C1GALT1: variants seen among roughly 807,000 people sequenced by gnomAD.
The protein encoded by C1GALT1 is core 1 synthase, glycoprotein-N-acetylgalactosamine 3-beta-galactosyltransferase 1.
C1GALT1 carries 11 observed loss-of-function variants against 31.0 expected under a neutral mutation model. The ratio of observed to expected loss-of-function variants is 0.36; its 90% CI spans 0.22 to 0.59. C1GALT1 has a LOEUF of 0.59. Ranked by LOEUF, C1GALT1 falls within the 20% of genes least tolerant of loss-of-function variation. The pLI, the probability that C1GALT1 is intolerant of heterozygous loss-of-function variation, is 0.79. For synonymous variants in C1GALT1, 175 were observed against 143.6 expected, an observed-to-expected ratio of 1.22 and a Z score of -1.56; for missense variants, 424 against 425.2, an observed-to-expected ratio of 1.00 and a Z score of 0.03.
In C1GALT1 at chr7:7,245,553, A is replaced by G. The variant is rs759032921; in HGVS notation, c.*1826A>G. ...GAATGGTATATTTGAGAGGATGTTC[A>G]TTTCATTGGTTAACCATGGACTACT... On this transcript the variant is annotated 3_prime_UTR_variant, in exon 4 of 4. Coordinates refer to ENST00000436587, the MANE Select transcript of C1GALT1 (RefSeq NM_020156.5). 3.9e-5 allele frequency: 6 copies of G among 152,186 alleles called. No homozygotes were observed. The highest frequency in any genetic ancestry group is 7.4e-5 in the Non-Finnish European group (5 of 68,026). 9.4% of individuals were successfully genotyped at this position (152,186 alleles called of 1,614,324 possible). A position where few individuals can be genotyped will look rare whatever the true frequency, so the allele number is the denominator to read the frequency against.
intron 2 of C1GALT1, among the ~76,000 whole-genome samples, chr7:7,169,652 G>T (rs959211899): frequency 6.6e-6 from 1 of 151,480 alleles, no homozygotes; most frequent in African/African-American, 2.4e-5. Flanking sequence ...ATCTTTTCAT[G>T]TGCTTATTAG....
intron 1 of C1GALT1, 37 bp downstream of exon 1, chr7:7,182,857 A>G (rs1388666905): frequency 6.1e-6 from 6 of 984,858 alleles, no homozygotes; most frequent in East Asian, 1.1e-4. Flanking sequence ...CTACGGGTCC[A>G]AGGTCTCGTC....
intron 1 of C1GALT1, among the ~76,000 whole-genome samples, chr7:7,204,925 T>C (rs1781672843): frequency 6.6e-6 from 1 of 152,206 alleles, no homozygotes; most frequent in Non-Finnish European, 1.5e-5. Context: ...TTAAAATCTA[T>C]TAACACTTTA....
At chr7:7,230,441 AAT>A (rs1166818377) in intron 1 of C1GALT1, among the ~76,000 whole-genome samples, 1 of 152,016 alleles carries the variant, frequency 6.6e-6, no homozygotes, top group Non-Finnish European at 1.5e-5. Context: ...AAATCTATTT[AAT>A]ATGTGTCTCT....
At position 7,242,358 on chromosome 7, in the gene C1GALT1, G is replaced by C. The variant is rs532985234; in HGVS notation, c.889-1166G>C. On this transcript the variant is annotated intron_variant, in intron 3 of 3. Transcript: ENST00000436587. ...TCTGATATTTCCTAAAGGTGCAAGA[G>C]TAGGTTGTCTAAGAATCTACATATC... Among the ~76,000 whole-genome samples, 11 of 152,048 alleles carry C rather than the reference G, an allele frequency of 7.2e-5. No individual in the cohort carries two copies. In the East Asian group the frequency reaches 2.1e-3, roughly 29 times the overall value.
chr7:7,234,679 G>A, intron 2 of C1GALT1, 140 bp downstream of exon 2: 1 of 620,522 alleles, frequency 1.6e-6, no homozygotes, highest in South Asian at 2.4e-5. Flanking sequence ...TCAAGAGAAG[G>A]GAATTGCTAA....
chr7:7,197,377 C>G (rs1781338012), intron 1 of C1GALT1, among the ~76,000 whole-genome samples: 1 of 151,974 alleles, frequency 6.6e-6, no homozygotes, highest in Non-Finnish European at 1.5e-5. Flanking sequence ...TTACCGAGGG[C>G]TATATTCTGT....
At chr7:7,181,026 A>G (rs1045893856), upstream of C1GALT1, among the ~76,000 whole-genome samples, 3 of 152,080 alleles carry the variant, frequency 2.0e-5, no homozygotes, top group African/African-American at 7.2e-5. Context: ...ACCTTATTTT[A>G]GGAAAGGGTT....
chr7:7,242,102 A>G (rs1783656872), intron 3 of C1GALT1, among the ~76,000 whole-genome samples: 1 of 152,016 alleles, frequency 6.6e-6, no homozygotes, highest in Non-Finnish European at 1.5e-5. Context: ...GATATGCTGT[A>G]AATAAAATAC....
chr7:7,201,807 G>A (rs555910201), intron 1 of C1GALT1, among the ~76,000 whole-genome samples: 3 of 152,184 alleles, frequency 2.0e-5, no homozygotes, highest in Non-Finnish European at 4.4e-5. Context: ...CCTACCTGCC[G>A]TGGTTTCTTT....
intron 2 of C1GALT1, among the ~76,000 whole-genome samples, chr7:7,161,423 G>A (rs1780332611): frequency 6.6e-6 from 1 of 152,028 alleles, no homozygotes; most frequent in Admixed American, 6.6e-5. Context: ...AAAATTTGTT[G>A]CCAAGGGACT....
upstream of C1GALT1, chr7:7,178,048 T>C (rs577808630): frequency 4.0e-4 from 90 of 226,752 alleles, 1 homozygote; most frequent in South Asian, 6.2e-3. Context: ...GAGCTGTGTT[T>C]AAAAGTTTAC....
At chr7:7,164,703 C>G (rs1583727301) in intron 2 of C1GALT1, among the ~76,000 whole-genome samples, 1 of 152,108 alleles carries the variant, frequency 6.6e-6, no homozygotes, top group South Asian at 2.1e-4. Flanking sequence ...GGAAGGAAAG[C>G]TCTATTTTTA....
chr7:7,225,805 A>G (rs1215737676), intron 1 of C1GALT1, among the ~76,000 whole-genome samples: 1 of 152,230 alleles, frequency 6.6e-6, no homozygotes, highest in South Asian at 2.1e-4. Context: ...AGATTTATAA[A>G]TAGAGCAAAA....
chr7:7,209,108 T>G (rs1781879696), intron 1 of C1GALT1, among the ~76,000 whole-genome samples: 1 of 152,230 alleles, frequency 6.6e-6, no homozygotes, highest in Admixed American at 6.5e-5. Context: ...GTCTTTCCAT[T>G]TACTCGTTTT....
At chr7:7,172,084 C>T (rs1780459496) in intron 2 of C1GALT1, among the ~76,000 whole-genome samples, 2 of 152,150 alleles carry the variant, frequency 1.3e-5, no homozygotes, top group South Asian at 4.1e-4. Context: ...GAATTGCTGG[C>T]TAGTGTCTTT....
upstream of C1GALT1, among the ~76,000 whole-genome samples, chr7:7,181,362 G>A (rs536649851): frequency 6.6e-6 from 1 of 152,028 alleles, no homozygotes; most frequent in South Asian, 2.1e-4. Flanking sequence ...GGACCCATGA[G>A]CCAAGGAAAG....
Position 7,237,573 on chromosome 7 carries a change from C to T in C1GALT1, c.221-682C>T, listed in dbSNP as rs929647281. Among the ~76,000 whole-genome samples, 13 of 152,268 alleles carry T rather than the reference C, an allele frequency of 8.5e-5. No individual in the cohort carries two copies. In the South Asian group the frequency reaches 2.5e-3, roughly 29 times the overall value. ...CACTGCTCTAGACCATCTTGGAATT[C>T]CCATGTCTACCATTGTTCTCTTCTG... On this transcript the variant is annotated intron_variant, in intron 2 of 3. Transcript: ENST00000436587.
rs952781303 is a variant in C1GALT1, at chr7:7,239,077, A to AACAG, written c.888+156_888+159dup. The AACAG allele has an allele frequency of 6.3e-6, 4 of 634,572 alleles. No homozygotes were observed. In the African/African-American group the frequency reaches 7.4e-5, roughly 12 times the overall value. 39.3% of individuals were successfully genotyped at this position (634,572 alleles called of 1,614,324 possible). A position where few individuals can be genotyped will look rare whatever the true frequency, so the allele number is the denominator to read the frequency against. ...GTGGCAGTATAACAAAATAGATGAGAACAGGGACATCAGCAATCAGCAGTA... is the reference window on the plus strand; with the variant it reads ...GTGGCAGTATAACAAAATAGATGAGAACAGACAGGGACATCAGCAATCAGCAGTA... On this transcript the variant is annotated intron_variant, in intron 3 of 3. Transcript: ENST00000436587.
Sources: allele counts gnomAD v4.1 joint callset (sites outside exome capture counted in the v4.1 genomes callset), GRCh38; gene constraint gnomAD v4.1.1; transcripts MANE v1.5; gene names NCBI Gene and HGNC (gene_info 2026-07-23, HGNC 2026-07-21).